The following METTL24 variants were observed in gnomAD, a reference collection of about 807,000 sequenced individuals.
METTL24 encodes probable methyltransferase-like protein 24.
Under a neutral mutation model 32.7 loss-of-function variants are expected in METTL24, and 29 were observed. That is an observed-to-expected ratio of 0.89 (90% CI 0.66 to 1.21). METTL24 has a LOEUF of 1.21. Ranked by LOEUF, METTL24 falls within the 50% of genes most tolerant of loss-of-function variation. The pLI, the probability that METTL24 is intolerant of heterozygous loss-of-function variation, is 0.00. For missense variants in METTL24, 439 were observed against 468.1 expected (o/e 0.94, Z 0.57); for synonymous variants, 163 against 179.5 (o/e 0.91, Z 0.73).
rs545507696 is a variant in METTL24 at position 110,321,149 on chromosome 6, A to C, written c.417+1625T>G. Among the ~76,000 whole-genome samples, 41 of 152,282 alleles carry C rather than the reference A, an allele frequency of 2.7e-4. 1 individual carries two copies. The highest frequency in any genetic ancestry group is 9.4e-4 in the African/African-American group (39 of 41,550). The stretch of plus-strand genomic sequence containing the variant: ...CTACTCGGGAGGCTGAGGCAGGAGA[A>C]CCACTTGAACCTGGGAGGCAGAGGT... On this transcript the variant is annotated intron_variant, in intron 2 of 4. Coordinates refer to ENST00000338882, the MANE Select transcript of METTL24 (RefSeq NM_001123364.3).
chr6:110,352,722 G>A (rs534790627), intron 1 of METTL24, among the ~76,000 whole-genome samples: 3 of 151,896 alleles, frequency 2.0e-5, no homozygotes, highest in Admixed American at 6.6e-5. Context: ...TGTGTCCCAC[G>A]GTAAGTAAAA....
At chr6:110,300,814 TA>T (rs1207080981) in intron 3 of METTL24, among the ~76,000 whole-genome samples, 2 of 151,148 alleles carry the variant, frequency 1.3e-5, no homozygotes, top group Non-Finnish European at 3.0e-5. Context: ...AAAACAAAAA[TA>T]AAAAAATAAT....
In METTL24 at chr6:110,349,049, AC is replaced by A. The variant is rs569376601; in HGVS notation, c.318+8905del. Among the ~76,000 whole-genome samples, 224 of 152,302 alleles carry A rather than the reference AC, an allele frequency of 1.5e-3. 1 individual carries two copies. Among genetic ancestry groups the A allele is most frequent in the African/African-American group, 5.2e-3 (218 of 41,562 alleles). On this transcript the variant is annotated intron_variant, in intron 1 of 4. Coordinates refer to ENST00000338882, the MANE Select transcript of METTL24 (RefSeq NM_001123364.3). ...AAGAGGCTCCCGTGCTGTATTCAAT[AC>A]TGTCAAATGTGCAGATTCAGTGAGG...
chr6:110,255,358 A>G (rs1261817682), intron 4 of METTL24, among the ~76,000 whole-genome samples: 1 of 152,162 alleles, frequency 6.6e-6, no homozygotes, highest in Non-Finnish European at 1.5e-5. Flanking sequence ...GGGTGAGGTG[A>G]TAGAATACAC....
chr6:110,291,905 T>A (rs1771328015), intron 4 of METTL24, among the ~76,000 whole-genome samples: 2 of 152,244 alleles, frequency 1.3e-5, no homozygotes, highest in African/African-American at 2.4e-5. Flanking sequence ...AGTACCAGAC[T>A]ATCTTGATTG....
chr6:110,253,857 T>C, intron 4 of METTL24: 1 of 1,409,460 alleles, frequency 7.1e-7, no homozygotes, highest in Non-Finnish European at 9.3e-7. Context: ...TGTCAATAAA[T>C]TTTCCTCTAA....
intron 4 of METTL24, among the ~76,000 whole-genome samples, chr6:110,282,169 T>G (rs1771147233): frequency 6.6e-6 from 1 of 152,172 alleles, no homozygotes; most frequent in Admixed American, 6.5e-5. Flanking sequence ...ACACTGCTGC[T>G]GTTTTAAATA....
intron 1 of METTL24, among the ~76,000 whole-genome samples, chr6:110,350,527 T>C (rs921367498): frequency 2.7e-5 from 4 of 150,670 alleles, no homozygotes; most frequent in Non-Finnish European, 5.9e-5. Context: ...TAACTATGCA[T>C]GACAGAAAAA....
At chr6:110,308,668 A>C (rs1201676640) in intron 3 of METTL24, among the ~76,000 whole-genome samples, 1 of 152,238 alleles carries the variant, frequency 6.6e-6, no homozygotes. Flanking sequence ...CATAAACACC[A>C]AAAAGTGGAA....
At chr6:110,261,031 A>G (rs1373898000) in intron 4 of METTL24, among the ~76,000 whole-genome samples, 1 of 152,236 alleles carries the variant, frequency 6.6e-6, no homozygotes, top group Non-Finnish European at 1.5e-5. Context: ...TGTAAAGACC[A>G]TCAAGGCTAG....
At chr6:110,306,071 C>A (rs551283021) in intron 3 of METTL24, among the ~76,000 whole-genome samples, 14 of 151,666 alleles carry the variant, frequency 9.2e-5, no homozygotes, top group Non-Finnish European at 1.8e-4. Flanking sequence ...AAACCGAACA[C>A]CACATGTTCT....
rs144368643 is a variant in METTL24 at position 110,261,496 on chromosome 6, G to A, written c.787-15236C>T. 3.5e-3 allele frequency among the ~76,000 whole-genome samples: 538 copies of A among 152,264 alleles called. 4 individuals are homozygous for A. Among genetic ancestry groups the A allele is most frequent in the African/African-American group, 0.012 (507 of 41,548 alleles). ...CCTTAGAGACCTAGAAAGACACTTA[G>A]ACTCCCACACAATAATAATGGGAGA... On this transcript the variant is annotated intron_variant, in intron 4 of 4. Transcript: ENST00000338882.
chr6:110,246,213 CA>C lies in METTL24; in HGVS notation c.833del (p.Leu278TrpfsTer47). 6.2e-7 allele frequency: 1 copy of C among 1,613,930 alleles called. No homozygotes were observed. The highest frequency in any genetic ancestry group is 8.5e-7 in the Non-Finnish European group (1 of 1,179,942). ...ADLESAEWKV[L>X]ENLILEDVLE... is the part of the protein sequence containing the mutation. ...GAACATCTTCCAGAATAAGATTTTC[CA>C]AAACTTTCCATTCTGCACTTTCCAG... is the stretch of plus-strand genomic sequence containing the variant. On this transcript the variant is annotated frameshift_variant, in exon 5 of 5. Transcript: ENST00000338882. LOFTEE classifies it high-confidence loss of function.
chr6:110,330,162 C>G (rs982882674), intron 1 of METTL24, among the ~76,000 whole-genome samples: 2 of 152,222 alleles, frequency 1.3e-5, no homozygotes, highest in Non-Finnish European at 2.9e-5. Context: ...CTCACTTTTC[C>G]TCCTTTTTTT....
intron 4 of METTL24, among the ~76,000 whole-genome samples, chr6:110,295,767 T>C (rs1273361167): frequency 1.6e-5 from 2 of 124,910 alleles, no homozygotes; most frequent in Admixed American, 7.8e-5. Flanking sequence ...TCTGATATAT[T>C]TTCCCCGGGA....
intron 3 of METTL24, among the ~76,000 whole-genome samples, chr6:110,307,627 T>C (rs578246772): frequency 9.2e-5 from 14 of 152,176 alleles, no homozygotes; most frequent in Non-Finnish European, 1.9e-4. Flanking sequence ...CTTAAAGCTA[T>C]TCATATGGCC....
chr6:110,257,726 G>A (rs2114696404), intron 4 of METTL24, among the ~76,000 whole-genome samples: 1 of 152,364 alleles, frequency 6.6e-6, no homozygotes. Context: ...CACCAGGTGA[G>A]CTTTTCATGG....
chr6:110,254,427 T>C (rs1418518298), intron 4 of METTL24, among the ~76,000 whole-genome samples: 1 of 151,868 alleles, frequency 6.6e-6, no homozygotes, highest in African/African-American at 2.4e-5. Flanking sequence ...AGGCCAGGAG[T>C]TCGAGACCAG....
At chr6:110,298,808 T>G (rs559296945) in intron 4 of METTL24, 114 bp downstream of exon 4, 1 of 847,470 alleles carries the variant, frequency 1.2e-6, no homozygotes, top group Admixed American at 2.3e-5. Context: ...TTAGTAAGAT[T>G]AAAATCGGAC....
Sources: gnomAD v4.1 joint callset for allele counts (sites outside exome capture counted in the v4.1 genomes callset) on GRCh38, gnomAD v4.1.1 for gene constraint, MANE v1.5 for transcripts, NCBI Gene and HGNC (gene_info 2026-07-23, HGNC 2026-07-21) for gene names.